Variants in ABL1 observed in about 807,000 individuals in gnomAD.
ABL1 encodes the protein ABL proto-oncogene 1, non-receptor tyrosine kinase.
ABL1 carries 11 observed loss-of-function variants against 94.7 expected under a neutral mutation model. The observed-to-expected ratio is 0.12, with a 90% CI of 0.07 to 0.19. The LOEUF (loss-of-function observed/expected upper bound fraction) is 0.19, where lower values mean the gene tolerates loss of function less well. ABL1 is among the 10% of genes least tolerant of loss of function. The probability of loss-of-function intolerance (pLI) is 1.00; values close to 1 mark genes in which losing one functional copy is unlikely to be tolerated. For missense variants in ABL1, 1,082 were observed against 1,489.4 expected (o/e 0.73, Z 4.50); for synonymous variants, 656 against 622.4 (o/e 1.05, Z -0.80).
At position 130,862,126 on chromosome 9, in the gene ABL1, A is replaced by C. The variant is rs1005823043; in HGVS notation, c.550-637A>C. ...TTTCATTCTAGGTTTATCCCCTTTA[A>C]ATTATAAATTAAATGAATTCTTCGC... On this transcript the variant is annotated intron_variant, in intron 3 of 10. Transcript: ENST00000318560. The surrounding 1 kb of genome is among the most constrained non-coding windows in gnomAD (Gnocchi z 5.5). Among the ~76,000 whole-genome samples, 1 of 152,170 alleles carries C rather than the reference A, an allele frequency of 6.6e-6. No homozygotes were observed. The highest frequency in any genetic ancestry group is 2.4e-5 in the African/African-American group (1 of 41,436).
chr9:130,791,592 G>A lies in ABL1; in HGVS notation c.137-62472G>A, dbSNP rs573428105. Among the ~76,000 whole-genome samples, 14 of 152,230 alleles carry A rather than the reference G, an allele frequency of 9.2e-5. No individual in the cohort carries two copies. The East Asian group carries it at 1.2e-3, about 13-fold the overall frequency. On this transcript the variant is annotated intron_variant, in intron 1 of 10. Transcript: ENST00000372348. ...GAAGAAGGTGGGATAAGCTTGCTGA[G>A]TCTCCTGGCTTCCTTCCTTCTCCCA...
intron 1 of ABL1, among the ~76,000 whole-genome samples, chr9:130,739,408 G>T (rs1831787728): frequency 6.6e-6 from 1 of 151,156 alleles, no homozygotes; most frequent in Non-Finnish European, 1.5e-5. Flanking sequence ...TTGAGATATG[G>T]TTACAATGGA....
intron 4 of ABL1, among the ~76,000 whole-genome samples, chr9:130,870,900 A>G (rs1179063846): frequency 6.6e-6 from 1 of 152,192 alleles, no homozygotes; most frequent in Non-Finnish European, 1.5e-5. Flanking sequence ...GCTGTAAGTA[A>G]AGGTTGGCCC....
At chr9:130,868,520 CT>C (rs71389371) in intron 4 of ABL1, among the ~76,000 whole-genome samples, 13,244 of 111,816 alleles carry the variant, frequency 0.12, 2,159 homozygotes, top group African/African-American at 0.39. Context: ...TTTTCTTTTT[CT>C]TTTTTTTTTT....
At chr9:130,856,919 T>A (rs1175051989) in intron 3 of ABL1, among the ~76,000 whole-genome samples, 11 of 152,194 alleles carry the variant, frequency 7.2e-5, no homozygotes, top group Non-Finnish European at 1.6e-4. Flanking sequence ...TTATTGTAAA[T>A]AATGCTGATA....
Position 130,877,848 on chromosome 9 carries a change from C to G in ABL1, c.1271-567C>G, listed in dbSNP as rs535314577. Reference sequence around the variant, plus strand: ...TTGAGATGGAGTCTCGCTCTGTCACCCAGCCTGGAGTGCAGTGGCGCGATC... The same window carrying G: ...TTGAGATGGAGTCTCGCTCTGTCACGCAGCCTGGAGTGCAGTGGCGCGATC... On this transcript the variant is annotated intron_variant, in intron 7 of 10. Transcript: ENST00000318560. 9.4e-5 allele frequency among the ~76,000 whole-genome samples: 14 copies of G among 149,454 alleles called. No homozygotes were observed. The East Asian group carries it at 2.7e-3, about 29-fold the overall frequency.
intron 7 of ABL1, among the ~76,000 whole-genome samples, chr9:130,876,446 T>TG (rs1831345166): frequency 6.6e-6 from 1 of 151,598 alleles, no homozygotes; most frequent in African/African-American, 2.4e-5. Context: ...TTGCTTTTTC[T>TG]GGGGTACAAA....
chr9:130,832,794 C>T (rs1830508000), upstream of ABL1, among the ~76,000 whole-genome samples: 1 of 152,136 alleles, frequency 6.6e-6, no homozygotes, highest in African/African-American at 2.4e-5. Context: ...GGGTGTTCTT[C>T]TGGTAAGAAG....
intron 1 of ABL1, chr9:130,724,770 A>T (rs966044834): frequency 5.7e-5 from 26 of 453,444 alleles, no homozygotes; most frequent in Admixed American, 2.4e-5. Flanking sequence ...AAAAAAAAAA[A>T]GCAAATAAAT....
chr9:130,754,824 G>C (rs769910959), intron 1 of ABL1, among the ~76,000 whole-genome samples: 6 of 152,262 alleles, frequency 3.9e-5, no homozygotes, highest in Middle Eastern at 3.4e-3. Context: ...CTAGGGAATA[G>C]ATAGGGCCTC....
intron 1 of ABL1, among the ~76,000 whole-genome samples, chr9:130,800,294 T>C (rs1417805804): frequency 1.3e-5 from 2 of 152,190 alleles, no homozygotes; most frequent in East Asian, 3.8e-4. Flanking sequence ...TTTTTAAGTA[T>C]ACATTTTGGT....
chr9:130,729,757 A>G (rs913715065), intron 1 of ABL1, among the ~76,000 whole-genome samples: 1 of 150,410 alleles, frequency 6.6e-6, no homozygotes, highest in African/African-American at 2.4e-5. Flanking sequence ...TTTTTTTAAG[A>G]TGGAGTCTCA....
At chr9:130,735,962 T>TATATATATATATA (rs1554757971) in intron 1 of ABL1, among the ~76,000 whole-genome samples, 6 of 48,662 alleles carry the variant, frequency 1.2e-4, no homozygotes, top group African/African-American at 6.6e-4. Context: ...TATATATATA[T>TATATATATATATA]TTTTTTTTTT....
chr9:130,877,114 C>G (rs1033378689), intron 7 of ABL1, among the ~76,000 whole-genome samples: 1 of 147,956 alleles, frequency 6.8e-6, no homozygotes, highest in African/African-American at 2.6e-5. Context: ...CAGTCCACTG[C>G]GGTTATTTTC....
chr9:130,885,106 A>G lies in ABL1; in HGVS notation c.2816A>G (p.Asp939Gly). ...GAKTKATSLV[D>G]AVNSDAAKPS... is the part of the protein sequence containing the mutation. ...AAGACAAAAGCCACGAGTCTGGTTG[A>G]TGCTGTGAACAGTGACGCTGCCAAG... Residue 939 changes from aspartate (D) to glycine (G), a missense_variant, in exon 11 of 11, where the codon GAT becomes GGT. Physicochemically the swap from Asp to Gly is moderately conservative, Grantham distance 94 (BLOSUM62 -1). This residue lies in a region of ABL1 where 780 missense variants were observed against 835.8 expected (regional missense o/e 0.93). Coordinates refer to ENST00000318560, the MANE Select transcript of ABL1 (RefSeq NM_005157.6). 6.2e-7 allele frequency: 1 copy of G among 1,611,834 alleles called. No individual in the cohort carries two copies. The highest frequency in any genetic ancestry group is 8.5e-7 in the Non-Finnish European group (1 of 1,179,262).
rs989449286 is a variant in ABL1, at chr9:130,814,072, G to A, written c.137-39992G>A. Among the ~76,000 whole-genome samples, 3 of 152,076 alleles carry A rather than the reference G, an allele frequency of 2.0e-5. No individual in the cohort carries two copies. Among genetic ancestry groups the A allele is most frequent in the Non-Finnish European group, 4.4e-5 (3 of 68,020 alleles). On this transcript the variant is annotated intron_variant, in intron 1 of 10. Coordinates refer to the ABL1 transcript ENST00000372348. This position sits in a 1 kb window ranked among gnomAD's most constrained non-coding sequence, Gnocchi z 4.4. Reference sequence around the variant, plus strand: ...GAGGCTGAGGCGGGCAGATCACAAGGTCAGGAGATTGAGATCATCCCGGCC... The same window carrying A: ...GAGGCTGAGGCGGGCAGATCACAAGATCAGGAGATTGAGATCATCCCGGCC...
At chr9:130,874,765 C>CA in intron 6 of ABL1, 103 bp from the exon 7 acceptor site, 1 of 1,261,626 alleles carries the variant, frequency 7.9e-7, no homozygotes, top group Non-Finnish European at 1.1e-6. Context: ...GCATTGGACT[C>CA]AATCTTTCCA....
At chr9:130,736,960 T>C (rs1831752268) in intron 1 of ABL1, among the ~76,000 whole-genome samples, 1 of 152,186 alleles carries the variant, frequency 6.6e-6, no homozygotes, top group African/African-American at 2.4e-5. Context: ...CCCAAGCATG[T>C]CACAAGGAAC....
At chr9:130,877,814 T>C (rs1445973733) in intron 7 of ABL1, among the ~76,000 whole-genome samples, 1 of 145,088 alleles carries the variant, frequency 6.9e-6, no homozygotes, top group Non-Finnish European at 1.5e-5. Context: ...CTAAATTTTT[T>C]TTTTTTTTTT....
Sources: allele counts gnomAD v4.1 joint callset (sites outside exome capture counted in the v4.1 genomes callset), GRCh38; gene constraint gnomAD v4.1.1; regional missense constraint gnomAD v4.1.1; non-coding constraint Gnocchi (gnomAD v3.1); transcripts MANE v1.5; gene names NCBI Gene and HGNC (gene_info 2026-07-23, HGNC 2026-07-21).